FAM163A: variants seen among roughly 807,000 people sequenced by gnomAD.
FAM163A encodes the protein family with sequence similarity 163 member A, also known as protein FAM163A.
Under a neutral mutation model 12.0 loss-of-function variants are expected in FAM163A, and 7 were observed. The observed-to-expected ratio is 0.58, with a 90% CI of 0.33 to 1.10. The LOEUF is 1.10. Among genes scored for constraint, FAM163A ranks in the 50% least tolerant of loss-of-function variants. FAM163A has a pLI of 0.03. For synonymous variants in FAM163A, 101 were observed against 91.0 expected, an observed-to-expected ratio of 1.11 and a Z score of -0.62; for missense variants, 202 against 218.6, an observed-to-expected ratio of 0.92 and a Z score of 0.48.
At chr1:179,783,743 A>ATTTATT (rs1557940151) in intron 1 of FAM163A, among the ~76,000 whole-genome samples, 2 of 57,954 alleles carry the variant, frequency 3.5e-5, no homozygotes, top group African/African-American at 4.3e-4. Context: ...ATTGAGCCCA[A>ATTTATT]ATATTATATA....
At chr1:179,791,964 T>A (rs553134722) in intron 1 of FAM163A, among the ~76,000 whole-genome samples, 2 of 152,248 alleles carry the variant, frequency 1.3e-5, no homozygotes, top group East Asian at 3.9e-4. Context: ...AGAAACAGCA[T>A]TTAGTAGTAT....
chr1:179,743,317 G>C lies in FAM163A; in HGVS notation c.-242G>C, dbSNP rs1683902424. On this transcript the variant is annotated 5_prime_UTR_variant, in exon 1 of 5. Transcript: ENST00000341785. ...GTCCTCGGAGCGCCGGGGAGGCCGC[G>C]GAGCCTCACGTGTGCCGCCCCAGCC... 6.6e-6 allele frequency: 1 copy of C among 152,232 alleles called. No individual in the cohort carries two copies. Among genetic ancestry groups the C allele is most frequent in the African/African-American group, 2.4e-5 (1 of 41,436 alleles). The allele number at this position is 152,232 out of a possible 1,614,324, so 9.4% of individuals were successfully genotyped here.
intron 1 of FAM163A, among the ~76,000 whole-genome samples, chr1:179,802,348 T>C (rs151180485): frequency 9.2e-5 from 14 of 152,212 alleles, no homozygotes; most frequent in Admixed American, 8.5e-4. Flanking sequence ...TCGCTGTTTC[T>C]CTTAGCACTG....
At chr1:179,764,928 G>T (rs574497416) in intron 1 of FAM163A, among the ~76,000 whole-genome samples, 2 of 152,280 alleles carry the variant, frequency 1.3e-5, no homozygotes, top group South Asian at 4.2e-4. Flanking sequence ...TTAAAATAGT[G>T]CCTGTCTTAT....
At chr1:179,753,161 G>T (rs867831962) in intron 1 of FAM163A, among the ~76,000 whole-genome samples, 7 of 152,256 alleles carry the variant, frequency 4.6e-5, no homozygotes, top group Non-Finnish European at 2.9e-5. Flanking sequence ...CCTGCTATTT[G>T]CAACACAGAT....
At chr1:179,791,986 C>T (rs532435438) in intron 1 of FAM163A, among the ~76,000 whole-genome samples, 55 of 152,236 alleles carry the variant, frequency 3.6e-4, no homozygotes, top group South Asian at 1.7e-3. Flanking sequence ...AAGTTGAAGG[C>T]TCACTCTGCC....
chr1:179,749,626 C>T (rs937639831), intron 1 of FAM163A, among the ~76,000 whole-genome samples: 4 of 152,096 alleles, frequency 2.6e-5, no homozygotes, highest in Non-Finnish European at 4.4e-5. Context: ...CCAAGGCAGG[C>T]GGATTGCTTG....
At chr1:179,740,172 T>TTTGTTGTTGTTG (rs58589037), upstream of FAM163A, among the ~76,000 whole-genome samples, 106 of 151,040 alleles carry the variant, frequency 7.0e-4, no homozygotes, top group Middle Eastern at 3.4e-3. Context: ...TTATTTGGTT[T>TTTGTTGTTGTTG]TTGTTGTTGT....
At chr1:179,778,200 A>T (rs1314906044) in intron 1 of FAM163A, among the ~76,000 whole-genome samples, 1 of 152,220 alleles carries the variant, frequency 6.6e-6, no homozygotes, top group African/African-American at 2.4e-5. Context: ...TCTTCCTGCC[A>T]TGAACTCTGA....
chr1:179,774,302 G>A (rs1041507877), intron 1 of FAM163A, among the ~76,000 whole-genome samples: 2 of 152,260 alleles, frequency 1.3e-5, no homozygotes, highest in African/African-American at 2.4e-5. Flanking sequence ...TGTGCTGCAG[G>A]CAGCCAGGCC....
At chr1:179,730,918 A>T in the FAM163A span, among the ~76,000 whole-genome samples, 1 of 152,230 alleles carries the variant, frequency 6.6e-6, no homozygotes, top group Non-Finnish European at 1.5e-5. Context: ...GCCCACAGCT[A>T]ATTGTTAGAG....
At chr1:179,734,495 C>A in the FAM163A span, among the ~76,000 whole-genome samples, 1 of 152,194 alleles carries the variant, frequency 6.6e-6, no homozygotes, top group African/African-American at 2.4e-5. Context: ...TCTCACCGTT[C>A]CATAAGCTGG....
At chr1:179,753,634 G>A (rs1057034331) in intron 1 of FAM163A, among the ~76,000 whole-genome samples, 7 of 152,176 alleles carry the variant, frequency 4.6e-5, no homozygotes, top group African/African-American at 7.2e-5. Flanking sequence ...AGAAGGATAG[G>A]ATAAGGGCAG....
At chr1:179,745,446 ACAGTCCAGTCCTCACC>A (rs1400344526) in intron 1 of FAM163A, among the ~76,000 whole-genome samples, 1 of 152,204 alleles carries the variant, frequency 6.6e-6, no homozygotes, top group Non-Finnish European at 1.5e-5. Flanking sequence ...TGGCCCCAGC[ACAGTCCAGTCCTCACC>A]CAGAGGCCCA....
rs188845774 is a variant in FAM163A at position 179,798,056 on chromosome 1, T to C, written c.-135-9742T>C. 9.1e-3 allele frequency among the ~76,000 whole-genome samples: 1,388 copies of C among 152,032 alleles called. 21 individuals are homozygous for C. Among genetic ancestry groups the C allele is most frequent in the African/African-American group, 0.032 (1,310 of 41,458 alleles). ...ACCAGCCTGGCTAACATGGCGAAAC[T>C]CCGTCTCTACTAAAAATACAAAAAC... On this transcript the variant is annotated intron_variant, in intron 1 of 4. Transcript: ENST00000341785.
intron 1 of FAM163A, among the ~76,000 whole-genome samples, chr1:179,760,117 G>C (rs1271192964): frequency 2.6e-5 from 4 of 152,178 alleles, no homozygotes. Flanking sequence ...TGGTTATGGC[G>C]GTCCAGGCGA....
At chr1:179,741,530 T>C (rs1261792802), upstream of FAM163A, among the ~76,000 whole-genome samples, 1 of 152,206 alleles carries the variant, frequency 6.6e-6, no homozygotes, top group Non-Finnish European at 1.5e-5. Flanking sequence ...AAAACCCAAA[T>C]ATCTAAAGTG....
At chr1:179,787,448 C>T (rs1020069290) in intron 1 of FAM163A, among the ~76,000 whole-genome samples, 4 of 152,184 alleles carry the variant, frequency 2.6e-5, no homozygotes, top group African/African-American at 9.7e-5. Context: ...TTCCCTCGCG[C>T]ACAGTTTTGT....
Position 179,813,792 on chromosome 1 carries a change from A to G in FAM163A, c.107A>G (p.Lys36Arg), listed in dbSNP as rs146731765. ...CYCRLQYYCC[K>R]KSGTEVADEE... ...CCTTCCGCACAGTATTACTGCTGCA[A>G]GAAGAGCGGAACCGAGGTTGCAGAC... The change falls in exon 5 of 5, where the codon AAG becomes AGG. Residue 36 changes from lysine to arginine, a missense_variant. Coordinates refer to ENST00000341785, the MANE Select transcript of FAM163A (RefSeq NM_173509.3). The G allele has an allele frequency of 6.2e-7, 1 of 1,613,936 alleles. No homozygotes were observed. The highest frequency in any genetic ancestry group is 8.5e-7 in the Non-Finnish European group (1 of 1,180,016).
Sources: allele counts gnomAD v4.1 joint callset (sites outside exome capture counted in the v4.1 genomes callset), GRCh38; gene constraint gnomAD v4.1.1; transcripts MANE v1.5; gene names NCBI Gene and HGNC (gene_info 2026-07-23, HGNC 2026-07-21).